SHF: variants seen among roughly 807,000 people sequenced by gnomAD.
SHF encodes the protein Src homology 2 domain containing F, also known as SH2 domain-containing adapter protein F.
SHF carries 30 observed loss-of-function variants against 42.4 expected under a neutral mutation model. The observed-to-expected ratio is 0.71, with a 90% CI of 0.53 to 0.96. The LOEUF (loss-of-function observed/expected upper bound fraction) is 0.96. Among genes scored for constraint, SHF ranks in the 40% least tolerant of loss-of-function variants. The pLI, the probability that SHF is intolerant of heterozygous loss-of-function variation, is 0.00. For missense variants in SHF, 598 were observed against 634.0 expected (o/e 0.94, Z 0.61); for synonymous variants, 264 against 269.9 (o/e 0.98, Z 0.21).
chr15:45,188,232 G>GTAA (rs1898579990), upstream of SHF, among the ~76,000 whole-genome samples: 1 of 152,132 alleles, frequency 6.6e-6, no homozygotes. Context: ...GTGTCGCCAC[G>GTAA]CGGTCCCCTG....
chr15:45,198,993 GC>G lies in SHF; in HGVS notation c.81del (p.His28IlefsTer11), dbSNP rs765330114. The stretch of plus-strand genomic sequence containing the variant: ...CCCTTGGGGGATGCCCGTTTCCTAT[GC>G]CCCGGAGACCCTTGCCGCGAACCCT... On this transcript the variant is annotated frameshift_variant, in exon 2 of 8. Transcript: ENST00000290894. LOFTEE classifies it high-confidence loss of function. 54 of 1,612,146 alleles carry G rather than the reference GC, an allele frequency of 3.3e-5. No homozygotes were observed. The highest frequency in any genetic ancestry group is 1.6e-4 in the Middle Eastern group (1 of 6,084).
chr15:45,198,862 AGCCACGG>A lies in SHF; in HGVS notation c.206_212del (p.Pro69LeufsTer32). The A allele has an allele frequency of 6.2e-7, 1 of 1,613,974 alleles. No homozygotes were observed. The highest frequency in any genetic ancestry group is 1.6e-4 in the Middle Eastern group (1 of 6,062). On this transcript the variant is annotated frameshift_variant, in exon 2 of 8. Coordinates refer to the SHF transcript ENST00000290894. LOFTEE classifies it high-confidence loss of function. The stretch of plus-strand genomic sequence containing the variant: ...TTTTCTTCTTCTGTTTTGGCCCATT[AGCCACGG>A]GCTGTGGTGATGATGAGATGGGCTC...
At chr15:45,185,991 G>A (rs1898375598) in intron 1 of SHF, among the ~76,000 whole-genome samples, 1 of 152,232 alleles carries the variant, frequency 6.6e-6, no homozygotes, top group Admixed American at 6.5e-5. Context: ...CTGTAGAGAG[G>A]AGAAGGGCCA....
rs1374921620 is a variant in SHF at position 45,178,154 on chromosome 15, CT to C, written c.640+10del. 13 of 1,611,184 alleles carry C rather than the reference CT, an allele frequency of 8.1e-6. No individual in the cohort carries two copies. Among genetic ancestry groups the C allele is most frequent in the Non-Finnish European group, 1.1e-5 (13 of 1,179,420 alleles). On this transcript the variant is annotated intron_variant, in intron 2 of 6. Coordinates refer to ENST00000690270, the MANE Select transcript of SHF (RefSeq NM_001394037.1). Reference sequence around the variant, plus strand: ...GCCTCAGGGAGCACCTCCCCTGCCCCTGTCACTCACCGGCCATCATCTTTTG... The same window carrying C: ...GCCTCAGGGAGCACCTCCCCTGCCCCGTCACTCACCGGCCATCATCTTTTG...
rs767553125 is a variant in SHF at position 45,178,265 on chromosome 15, C to T, written c.540G>A (p.Gln180=). Residue 180 remains glutamine, a synonymous_variant, in exon 2 of 7, where the codon CAG becomes CAA. Transcript: ENST00000690270. ...LEDYADPFDV[Q]ETGEGSAGAS... The stretch of plus-strand genomic sequence containing the variant: ...CTCCTGCTGAGCCTTCGCCAGTCTC[C>T]TGAACATCAAACGGGTCCGCATAGT... 14 of 1,613,890 alleles carry T rather than the reference C, an allele frequency of 8.7e-6. No homozygotes were observed. The African/African-American group carries it at 1.7e-4, about 20-fold the overall frequency.
intron 1 of SHF, chr15:45,200,397 G>A (rs879640100): frequency 1.0e-4 from 22 of 215,812 alleles, no homozygotes; most frequent in South Asian, 2.1e-4. Flanking sequence ...CCCTTGCCGT[G>A]CCATTGTCCT....
At chr15:45,168,497 C>T (rs1316074328) in intron 6 of SHF, among the ~76,000 whole-genome samples, 1 of 152,182 alleles carries the variant, frequency 6.6e-6, no homozygotes, top group Admixed American at 6.5e-5. Context: ...CCAGTTTAAC[C>T]TCACCTTTCT....
At chr15:45,175,736 C>T (rs1394761915) in intron 2 of SHF, among the ~76,000 whole-genome samples, 7 of 152,128 alleles carry the variant, frequency 4.6e-5, no homozygotes, top group Non-Finnish European at 5.9e-5. Flanking sequence ...ACAACCCTCC[C>T]GTTGTCCACT....
chr15:45,194,214 C>T (rs1289106998), intron 2 of SHF, among the ~76,000 whole-genome samples: 1 of 151,922 alleles, frequency 6.6e-6, no homozygotes, highest in Admixed American at 6.6e-5. Context: ...CTCCCCCAAC[C>T]TCCATCATGG....
intron 1 of SHF, among the ~76,000 whole-genome samples, chr15:45,186,472 G>A (rs1898409129): frequency 6.6e-6 from 1 of 152,256 alleles, no homozygotes; most frequent in Non-Finnish European, 1.5e-5. Flanking sequence ...AGTGAAGAAG[G>A]ACAGCAGAGC....
upstream of SHF, among the ~76,000 whole-genome samples, chr15:45,192,907 A>G (rs1036542478): frequency 1.3e-5 from 2 of 152,136 alleles, no homozygotes; most frequent in African/African-American, 4.8e-5. Flanking sequence ...TACATAGGGG[A>G]TGTTGTGGAC....
chr15:45,170,324 G>C, intron 6 of SHF: 2 of 1,237,952 alleles, frequency 1.6e-6, no homozygotes, highest in Non-Finnish European at 2.1e-6. Flanking sequence ...GGGAGTAGTT[G>C]GTTTAGAAAT....
intron 2 of SHF, among the ~76,000 whole-genome samples, chr15:45,193,394 G>A (rs1898765905): frequency 1.3e-5 from 2 of 152,170 alleles, no homozygotes; most frequent in Admixed American, 6.5e-5. Context: ...CCAGTTCATA[G>A]GTAGATGAGA....
upstream of SHF, among the ~76,000 whole-genome samples, chr15:45,191,861 G>GAAC (rs1168502781): frequency 3.3e-5 from 5 of 151,460 alleles, no homozygotes; most frequent in Non-Finnish European, 5.9e-5. Context: ...GGCCGAGGTG[G>GAAC]GCGGATCACT....
chr15:45,174,627 A>G (rs2141355368), intron 3 of SHF, among the ~76,000 whole-genome samples: 1 of 152,258 alleles, frequency 6.6e-6, no homozygotes, highest in Admixed American at 6.5e-5. Context: ...CTCTTGCTCC[A>G]CCCACCTCAG....
In SHF at chr15:45,168,099, G is replaced by A. The variant is rs756106361; in HGVS notation, c.1315C>T (p.Arg439Ter). Residue 439 changes from arginine to a stop codon, truncating the protein, a stop_gained, in exon 7 of 7, where the codon CGA becomes TGA. Transcript: ENST00000690270. LOFTEE classifies it high-confidence loss of function. ...SQGFMHMKLSRTKEHKYVLGQ... is the reference protein window; with the variant it reads ...SQGFMHMKLS ...AGCACATATTTGTGTTCCTTGGTTC[G>A]GGACAGCTTCATGTGCATGAATCCC... is the stretch of plus-strand genomic sequence containing the variant. 33 of 1,608,146 alleles carry A rather than the reference G, an allele frequency of 2.1e-5. No homozygotes were observed. The highest frequency in any genetic ancestry group is 2.7e-5 in the Non-Finnish European group (32 of 1,176,644).
chr15:45,171,874 C>T lies in SHF; in HGVS notation c.1280+9G>A. 6.2e-7 allele frequency: 1 copy of T among 1,611,862 alleles called. No homozygotes were observed. On this transcript the variant is annotated intron_variant, in intron 6 of 6. Coordinates refer to ENST00000690270, the MANE Select transcript of SHF (RefSeq NM_001394037.1). ...TGCTGTCCCTGAAACCACAACTGTC[C>T]CCACTCACTTGAGGGAGAGGGAGAA...
intron 2 of SHF, among the ~76,000 whole-genome samples, chr15:45,194,864 C>G (rs150512042): frequency 1.3e-5 from 2 of 152,190 alleles, no homozygotes; most frequent in African/African-American, 2.4e-5. Flanking sequence ...GGCTATCACT[C>G]TGTCTTCCAG....
At chr15:45,176,006 TG>T (rs1258539579) in intron 2 of SHF, among the ~76,000 whole-genome samples, 6 of 151,922 alleles carry the variant, frequency 3.9e-5, no homozygotes, top group African/African-American at 1.4e-4. Flanking sequence ...TTTGTAGAGA[TG>T]GGGGGTTTCA....
Sources: allele counts gnomAD v4.1 joint callset (sites outside exome capture counted in the v4.1 genomes callset), GRCh38; gene constraint gnomAD v4.1.1; transcripts MANE v1.5; gene names NCBI Gene and HGNC (gene_info 2026-07-23, HGNC 2026-07-21).